Variants in PMPCB observed in about 807,000 individuals in gnomAD.
PMPCB encodes mitochondrial-processing peptidase subunit beta.
PMPCB carries 46 observed loss-of-function variants against 61.5 expected under a neutral mutation model. The ratio of observed to expected loss-of-function variants is 0.75; its 90% CI spans 0.59 to 0.96. The LOEUF (loss-of-function observed/expected upper bound fraction) is 0.96. Ranked by LOEUF, PMPCB falls within the 40% of genes least tolerant of loss-of-function variation. The probability of loss-of-function intolerance (pLI) is 0.00; values close to 1 mark genes in which losing one functional copy is unlikely to be tolerated. For missense variants in PMPCB, 590 were observed against 602.4 expected (o/e 0.98, Z 0.22); for synonymous variants, 191 against 201.6 (o/e 0.95, Z 0.44).
the PMPCB span, chr7:103,337,720 A>G: frequency 1.4e-5 from 22 of 1,601,600 alleles, no homozygotes; most frequent in Non-Finnish European, 1.6e-5. Flanking sequence ...TTATTTCAAA[A>G]TAACTAAGTA....
Position 103,311,696 on chromosome 7 carries a change from T to C in PMPCB, c.1208T>C (p.Leu403Pro), listed in dbSNP as rs1303239950. The change falls in exon 10 of 13, where the codon CTT becomes CCT. Residue 403 changes from leucine (L) to proline (P), a missense_variant. Coordinates refer to ENST00000249269, the MANE Select transcript of PMPCB (RefSeq NM_004279.3). ...TESEVARARNLLKTNMLLQLD... is the reference protein window; with the variant it reads ...TESEVARARNPLKTNMLLQLD... ...AGTGAGGTTGCACGAGCCAGAAATC[T>C]TCTGAAAACAAACATGTTGTTGCAG... 6.2e-7 allele frequency: 1 copy of C among 1,614,084 alleles called. No individual in the cohort carries two copies. The highest frequency in any genetic ancestry group is 8.5e-7 in the Non-Finnish European group (1 of 1,179,926).
chr7:103,337,855 A>G, the PMPCB span: 96 of 1,399,866 alleles, frequency 6.9e-5, no homozygotes, highest in East Asian at 2.1e-3. Context: ...AAATGAAGCC[A>G]ATATATTCCA....
chr7:103,311,963 G>GTATC, intron 11 of PMPCB, 67 bp downstream of exon 11: 3 of 1,518,148 alleles, frequency 2.0e-6, no homozygotes, highest in South Asian at 1.2e-5. Context: ...CTGAGAATAT[G>GTATC]TATCTTTCAT....
At position 103,313,360 on chromosome 7, in the gene PMPCB, C is replaced by T. The variant is rs1817866997; in HGVS notation, c.*1089C>T. 8.8e-7 allele frequency: 1 copy of T among 1,140,360 alleles called. No individual in the cohort carries two copies. Among genetic ancestry groups the T allele is most frequent in the African/African-American group, 1.6e-5 (1 of 62,282 alleles). The allele number at this position is 1,140,360 out of a possible 1,614,324, so 70.6% of individuals were successfully genotyped here. ...AAGATCTACCTTGTACTGTTTATCT[C>T]TTAAAAATCAATGTAATACACTCAC... is the stretch of plus-strand genomic sequence containing the variant. On this transcript the variant is annotated 3_prime_UTR_variant, in exon 13 of 13. Transcript: ENST00000249269.
At chr7:103,314,994 A>T (rs1250303547), downstream of PMPCB, among the ~76,000 whole-genome samples, 2 of 152,134 alleles carry the variant, frequency 1.3e-5, no homozygotes, top group Non-Finnish European at 2.9e-5. Flanking sequence ...TCCTAAACAA[A>T]GACACACGTG....
At position 103,304,008 on chromosome 7, in the gene PMPCB, A is replaced by G; in HGVS notation, c.624A>G (p.Gly208=). The change falls in exon 5 of 13, where the codon GGA becomes GGG. Residue 208 remains glycine, a synonymous_variant. Transcript: ENST00000249269. ...CAGCTTATCAAAATACTGCACTTGG[A>G]CGGACAATTTTGGGACCAACTGAAA... ...HATAYQNTAL[G]RTILGPTENI... is the part of the protein sequence containing the mutation. 6.2e-7 allele frequency: 1 copy of G among 1,613,884 alleles called. No homozygotes were observed.
intron 12 of PMPCB, chr7:103,326,686 T>C (rs771058898): frequency 6.3e-7 from 1 of 1,596,260 alleles, no homozygotes; most frequent in Non-Finnish European, 8.5e-7. Flanking sequence ...TTTCATAAGC[T>C]GAGAAAAAAA....
chr7:103,302,881 G>GA (rs1051430579), intron 4 of PMPCB, among the ~76,000 whole-genome samples: 1 of 151,200 alleles, frequency 6.6e-6, no homozygotes, highest in Non-Finnish European at 1.5e-5. Context: ...TCTCTTAGGG[G>GA]AAAAAAAAGA....
the PMPCB span, chr7:103,341,889 T>G: frequency 5.0e-6 from 8 of 1,613,356 alleles, no homozygotes; most frequent in Non-Finnish European, 5.9e-6. Flanking sequence ...GAAGCATTTC[T>G]GTTTCTCCTC....
the PMPCB span, chr7:103,341,614 A>T: frequency 1.7e-6 from 1 of 582,154 alleles, no homozygotes; most frequent in Non-Finnish European, 2.8e-6. Flanking sequence ...GCTAGTGCTA[A>T]TGCTCTCAAG....
chr7:103,326,431 G>T, intron 12 of PMPCB: 1 of 1,090,982 alleles, frequency 9.2e-7, no homozygotes, highest in Non-Finnish European at 1.4e-6. Flanking sequence ...GGAAGAGACA[G>T]TGGAAATAAT....
At position 103,312,295 on chromosome 7, in the gene PMPCB, G is replaced by T; in HGVS notation, c.*24G>T. 1 of 1,606,732 alleles carries T rather than the reference G, an allele frequency of 6.2e-7. No individual in the cohort carries two copies. Among genetic ancestry groups the T allele is most frequent in the South Asian group, 1.1e-5 (1 of 90,850 alleles). ...AAAATGCTCCTAATCAAGATTGTTT[G>T]AACACATGTATTTATAAAACAGAGC... On this transcript the variant is annotated 3_prime_UTR_variant, in exon 13 of 13. Coordinates refer to ENST00000249269, the MANE Select transcript of PMPCB (RefSeq NM_004279.3).
rs148196398 is a variant in PMPCB, at chr7:103,304,931, C to T, written c.736+441C>T. 6.0e-3 allele frequency among the ~76,000 whole-genome samples: 899 copies of T among 150,544 alleles called. 11 individuals carry two copies. Among genetic ancestry groups the T allele is most frequent in the African/African-American group, 0.021 (859 of 40,916 alleles). ...CCAAGATTGCACCACTGCACTCCAG[C>T]GTGGGCGACAGAGTGAGACTGTCTC... is the stretch of plus-strand genomic sequence containing the variant. On this transcript the variant is annotated intron_variant, in intron 6 of 12. Transcript: ENST00000249269.
rs767069455 is a variant in PMPCB at position 103,321,986 on chromosome 7, A to G, written c.*1432-6945A>G. The G allele has an allele frequency of 2.1e-5, 34 of 1,613,976 alleles. 1 individual carries two copies. The South Asian group carries it at 3.6e-4, about 17-fold the overall frequency. ...CCTTCTTAATGGCTTTTTTCTGGAT[A>G]TCTTTTTCCTTCTTTGCCAGCAATG... On this transcript the variant is annotated intron_variant and NMD_transcript_variant, in intron 12 of 12. Transcript: ENST00000444457.
chr7:103,300,107 C>A, intron 3 of PMPCB, 71 bp from the exon 4 acceptor site: 2 of 1,403,702 alleles, frequency 1.4e-6, no homozygotes, highest in Non-Finnish European at 2.0e-6. Flanking sequence ...CCTCCATATT[C>A]ATTATCTGAA....
At chr7:103,319,458 G>C (rs530852162), downstream of PMPCB, 9 of 830,680 alleles carry the variant, frequency 1.1e-5, no homozygotes, top group Non-Finnish European at 1.7e-5. Context: ...CCAAAAAACC[G>C]AACACATAAA....
downstream of PMPCB, among the ~76,000 whole-genome samples, chr7:103,318,726 G>A (rs1818212340): frequency 6.6e-6 from 1 of 152,128 alleles, no homozygotes; most frequent in Non-Finnish European, 1.5e-5. Context: ...GTATAGACTA[G>A]ACAGAACAAA....
At chr7:103,323,425 C>T (rs1818529633) in intron 12 of PMPCB, among the ~76,000 whole-genome samples, 1 of 152,144 alleles carries the variant, frequency 6.6e-6, no homozygotes, top group South Asian at 2.1e-4. Context: ...AATTATTGAT[C>T]TGGGCCCACC....
At chr7:103,307,389 C>T (rs1372318672) in intron 6 of PMPCB, among the ~76,000 whole-genome samples, 1 of 152,170 alleles carries the variant, frequency 6.6e-6, no homozygotes, top group Non-Finnish European at 1.5e-5. Context: ...TGAAAACTGT[C>T]ATTTGCTCTA....
Sources: gnomAD v4.1 joint callset for allele counts (sites outside exome capture counted in the v4.1 genomes callset) on GRCh38, gnomAD v4.1.1 for gene constraint, MANE v1.5 for transcripts, NCBI Gene and HGNC (gene_info 2026-07-23, HGNC 2026-07-21) for gene names.